SMIM13: variants seen among roughly 807,000 people sequenced by gnomAD.
SMIM13 encodes the protein small integral membrane protein 13, also known as UPF0766 protein C6orf228.
SMIM13 carries 3 observed loss-of-function variants against 5.9 expected under a neutral mutation model. The observed-to-expected ratio is 0.51, with a 90% CI of 0.23 to 1.31. The LOEUF (loss-of-function observed/expected upper bound fraction) is 1.31, where lower values mean the gene tolerates loss of function less well. Among genes scored for constraint, SMIM13 ranks in the 40% most tolerant of loss-of-function variants. The pLI, the probability that SMIM13 is intolerant of heterozygous loss-of-function variation, is 0.18. For synonymous variants in SMIM13, 55 were observed against 46.0 expected (o/e 1.19, Z -0.79); for missense variants, 85 against 109.9 (o/e 0.77, Z 1.01).
chr6:11,104,923 T>C, intron 1 of SMIM13: 3 of 1,614,238 alleles, frequency 1.9e-6, no homozygotes, highest in Non-Finnish European at 2.5e-6. Context: ...TTTTTCCTTT[T>C]GGCCATAACA....
chr6:11,134,002 C>G (rs1012202595), intron 1 of SMIM13, among the ~76,000 whole-genome samples: 1 of 151,752 alleles, frequency 6.6e-6, no homozygotes, highest in Non-Finnish European at 1.5e-5. Flanking sequence ...GGATTCTGAT[C>G]GAAACAAACT....
chr6:11,105,079 A>G, intron 1 of SMIM13: 3 of 1,614,210 alleles, frequency 1.9e-6, no homozygotes, highest in Non-Finnish European at 2.5e-6. Context: ...TTAGGGTCCC[A>G]TCGATAGGAA....
chr6:11,113,975 T>C (rs1758202968), intron 1 of SMIM13, among the ~76,000 whole-genome samples: 2 of 145,856 alleles, frequency 1.4e-5, no homozygotes, highest in East Asian at 3.9e-4. Flanking sequence ...TTATTCTTTT[T>C]GTTTTTTTTT....
chr6:11,119,897 C>G (rs1424044342), intron 1 of SMIM13, among the ~76,000 whole-genome samples: 1 of 152,060 alleles, frequency 6.6e-6, no homozygotes, highest in Non-Finnish European at 1.5e-5. Flanking sequence ...CTAGCATTGC[C>G]TAGTGTGTCA....
Position 11,094,197 on chromosome 6 carries a change from CCGCCCCGGCGCCCAGCCGCGCCTGG to C in SMIM13, c.-111_-87del, listed in dbSNP as rs991833461. 5 of 302,944 alleles carry C rather than the reference CCGCCCCGGCGCCCAGCCGCGCCTGG, an allele frequency of 1.7e-5. 1 individual carries two copies. Among genetic ancestry groups the C allele is most frequent in the Non-Finnish European group, 9.7e-6 (2 of 205,940 alleles). The allele number at this position is 302,944 out of a possible 1,614,324, so 18.8% of individuals were successfully genotyped here. On this transcript the variant is annotated 5_prime_UTR_variant, in exon 1 of 2. It removes the in-frame stop codon of an upstream open reading frame in the 5' UTR. Transcript: ENST00000416247. ...GCCGAGGGGGCGCCAGCCGCCCATG[CCGCCCCGGCGCCCAGCCGCGCCTGG>C]CGCCCGCCGCTGAAGCGCAGGACGC...
At chr6:11,097,493 TAA>T (rs112958222) in intron 1 of SMIM13, among the ~76,000 whole-genome samples, 7 of 141,942 alleles carry the variant, frequency 4.9e-5, no homozygotes, top group Non-Finnish European at 4.6e-5. Context: ...CCGTCTGTGC[TAA>T]AAAAAAAAAA....
chr6:11,104,704 G>A (rs137974365), intron 1 of SMIM13: 5 of 1,614,088 alleles, frequency 3.1e-6, no homozygotes, highest in Non-Finnish European at 3.4e-6. Flanking sequence ...CAGAAGTTTC[G>A]AGTACTGCAT....
intron 1 of SMIM13, among the ~76,000 whole-genome samples, chr6:11,130,806 CTCTT>C (rs1010006750): frequency 2.0e-4 from 30 of 152,162 alleles, no homozygotes; most frequent in Admixed American, 7.2e-4. Context: ...GAGAGACTTA[CTCTT>C]TCTTAACCAT....
chr6:11,100,347 A>G (rs753675094), intron 1 of SMIM13, among the ~76,000 whole-genome samples: 16 of 152,198 alleles, frequency 1.1e-4, no homozygotes, highest in Non-Finnish European at 2.1e-4. Context: ...GGCATGAGCC[A>G]CGGTGCCTGG....
At chr6:11,095,409 G>T (rs1421967893) in intron 1 of SMIM13, among the ~76,000 whole-genome samples, 1 of 152,226 alleles carries the variant, frequency 6.6e-6, no homozygotes, top group Non-Finnish European at 1.5e-5. Context: ...GCAGTGGCCT[G>T]ATCTTGGCCC....
At position 11,135,860 on chromosome 6, in the gene SMIM13, A is replaced by G. The variant is rs1335667610; in HGVS notation, c.*1258A>G. The G allele has an allele frequency of 6.6e-6, 1 of 152,196 alleles. No individual in the cohort carries two copies. The highest frequency in any genetic ancestry group is 6.6e-5 in the Admixed American group (1 of 15,266). 9.4% of individuals were successfully genotyped at this position (152,196 alleles called of 1,614,324 possible). The stretch of plus-strand genomic sequence containing the variant: ...TAATGGGCAGTGTTTTTTCTTAGTG[A>G]TACATATGGTGCATCTTAACAATTG... On this transcript the variant is annotated 3_prime_UTR_variant, in exon 2 of 2. Transcript: ENST00000416247.
chr6:11,135,245 A>G lies in SMIM13; in HGVS notation c.*643A>G, dbSNP rs1397154928. 2 of 152,622 alleles carry G rather than the reference A, an allele frequency of 1.3e-5. No homozygotes were observed. Among genetic ancestry groups the G allele is most frequent in the East Asian group, 3.9e-4 (2 of 5,192 alleles). The allele number at this position is 152,622 out of a possible 1,614,324, so 9.5% of individuals were successfully genotyped here. ...GCAAATATTCGTCGCTGGAGAAATG[A>G]TCGCAATTCCATATTTTCCTGCAAA... On this transcript the variant is annotated 3_prime_UTR_variant, in exon 2 of 2. Transcript: ENST00000416247.
At chr6:11,105,007 C>A in intron 1 of SMIM13, 1 of 1,614,174 alleles carries the variant, frequency 6.2e-7, no homozygotes, top group Non-Finnish European at 8.5e-7. Context: ...TGGCGGATAT[C>A]AGGGAAATCT....
At chr6:11,104,172 G>T in intron 1 of SMIM13, 1 of 1,551,728 alleles carries the variant, frequency 6.4e-7, no homozygotes, top group Non-Finnish European at 8.7e-7. Flanking sequence ...CTGGCTATAG[G>T]TGAGGGAAGC....
chr6:11,128,829 G>A (rs1758412117), intron 1 of SMIM13, among the ~76,000 whole-genome samples: 1 of 152,036 alleles, frequency 6.6e-6, no homozygotes, highest in African/African-American at 2.4e-5. Context: ...TCAGTGCAGA[G>A]TCCCATAATA....
At chr6:11,094,448 GT>G in intron 1 of SMIM13, 59 bp downstream of exon 1, 81 of 1,215,586 alleles carry the variant, frequency 6.7e-5, no homozygotes, top group Admixed American at 1.4e-4. Context: ...ATCTGCTGGG[GT>G]TTTTTTTGTT....
intron 1 of SMIM13, among the ~76,000 whole-genome samples, chr6:11,132,872 A>G (rs572868121): frequency 7.9e-5 from 12 of 152,292 alleles, no homozygotes; most frequent in African/African-American, 2.6e-4. Flanking sequence ...AATCTTGTGG[A>G]TATACTAAAA....
intron 1 of SMIM13, among the ~76,000 whole-genome samples, chr6:11,097,717 G>C (rs1581908511): frequency 6.6e-6 from 1 of 152,050 alleles, no homozygotes; most frequent in African/African-American, 2.4e-5. Context: ...GTCACACTGG[G>C]GGTTAGGATT....
intron 1 of SMIM13, among the ~76,000 whole-genome samples, chr6:11,121,582 C>T (rs567228417): frequency 1.3e-5 from 2 of 152,310 alleles, no homozygotes; most frequent in South Asian, 2.1e-4. Context: ...TCCCAACACA[C>T]ACACCTGCAT....
Sources: gnomAD v4.1 joint callset for allele counts (sites outside exome capture counted in the v4.1 genomes callset) on GRCh38, gnomAD v4.1.1 for gene constraint, MANE v1.5 for transcripts, NCBI Gene and HGNC (gene_info 2026-07-23, HGNC 2026-07-21) for gene names.